The following PTPRM variants were observed in gnomAD, a reference collection of about 807,000 sequenced individuals.
PTPRM encodes protein tyrosine phosphatase receptor type M.
In PTPRM, 47 loss-of-function variants were observed where a neutral mutation model predicts 186.7. That is an observed-to-expected ratio of 0.25 (90% CI 0.20 to 0.32). PTPRM has a LOEUF of 0.32. Among genes scored for constraint, PTPRM ranks in the 10% least tolerant of loss-of-function variants. PTPRM has a pLI of 1.00. For synonymous variants in PTPRM, 668 were observed against 674.9 expected, an observed-to-expected ratio of 0.99 and a Z score of 0.16; for missense variants, 1,494 against 1,865.0, an observed-to-expected ratio of 0.80 and a Z score of 3.66.
chr18:8,042,144 G>A (rs2086732658), intron 7 of PTPRM, among the ~76,000 whole-genome samples: 1 of 151,908 alleles, frequency 6.6e-6, no homozygotes, highest in South Asian at 2.1e-4. Context: ...TCAAGCACTG[G>A]GGTAATTTAA....
intron 23 of PTPRM, among the ~76,000 whole-genome samples, chr18:8,354,435 G>A (rs1389946462): frequency 6.6e-6 from 1 of 152,098 alleles, no homozygotes; most frequent in Non-Finnish European, 1.5e-5. Flanking sequence ...AGAGAAGACA[G>A]CATTTCAACA....
intron 19 of PTPRM, among the ~76,000 whole-genome samples, chr18:8,281,240 GCTC>G (rs1234536210): frequency 1.3e-5 from 2 of 152,130 alleles, no homozygotes; most frequent in Non-Finnish European, 2.9e-5. Context: ...AGTGTCTCTT[GCTC>G]CTTCTCAGCC....
intron 14 of PTPRM, among the ~76,000 whole-genome samples, chr18:8,174,738 T>G (rs751794441): frequency 2.0e-5 from 3 of 152,224 alleles, no homozygotes; most frequent in Non-Finnish European, 4.4e-5. Flanking sequence ...ACTGTTTGAA[T>G]CATAACCTCC....
chr18:7,881,972 ATTCTT>A (rs1207798135), intron 2 of PTPRM, among the ~76,000 whole-genome samples: 1 of 151,698 alleles, frequency 6.6e-6, no homozygotes, highest in Non-Finnish European at 1.5e-5. Context: ...TCTTTTTTTC[ATTCTT>A]TTCTTTCAAT....
At chr18:8,138,900 A>C (rs1016749460) in intron 13 of PTPRM, among the ~76,000 whole-genome samples, 1 of 151,872 alleles carries the variant, frequency 6.6e-6, no homozygotes, top group Non-Finnish European at 1.5e-5. Context: ...CTCCGTGCGG[A>C]TGCTCCCTGT....
In PTPRM at chr18:8,406,287, T is replaced by A; in HGVS notation, c.*125T>A. On this transcript the variant is annotated 3_prime_UTR_variant, in exon 33 of 33. Coordinates refer to ENST00000580170, the MANE Select transcript of PTPRM (RefSeq NM_001105244.2). Reference sequence around the variant, plus strand: ...TTTGCTTTGCATAATTGGCTCTTTTTAAGAGCCCAAGAAAGTGTTTCTAAA... The same window carrying A: ...TTTGCTTTGCATAATTGGCTCTTTTAAAGAGCCCAAGAAAGTGTTTCTAAA... 3 of 886,970 alleles carry A rather than the reference T, an allele frequency of 3.4e-6. No individual in the cohort carries two copies. The highest frequency in any genetic ancestry group is 5.3e-6 in the Non-Finnish European group (3 of 570,892). The allele number at this position is 886,970 out of a possible 1,614,324, so 54.9% of individuals were successfully genotyped here.
intron 1 of PTPRM, among the ~76,000 whole-genome samples, chr18:7,667,669 G>A (rs1328918064): frequency 1.3e-5 from 2 of 152,052 alleles, no homozygotes; most frequent in Non-Finnish European, 1.5e-5. Flanking sequence ...ACAGCTTTTC[G>A]AATAGCTCTT....
chr18:7,723,845 A>G (rs765208301), intron 1 of PTPRM, among the ~76,000 whole-genome samples: 5 of 151,886 alleles, frequency 3.3e-5, no homozygotes, highest in Admixed American at 2.6e-4. Flanking sequence ...TCGCCTTCCT[A>G]TACTCCCTGC....
At chr18:7,785,554 A>C (rs1023072920) in intron 2 of PTPRM, among the ~76,000 whole-genome samples, 1 of 152,218 alleles carries the variant, frequency 6.6e-6, no homozygotes, top group African/African-American at 2.4e-5. Flanking sequence ...AAGCTAAGCA[A>C]AATTTGCAGT....
intron 1 of PTPRM, among the ~76,000 whole-genome samples, chr18:7,631,030 T>C (rs190740938): frequency 9.8e-5 from 15 of 152,326 alleles, no homozygotes; most frequent in African/African-American, 3.6e-4. Context: ...AATTCAGAGA[T>C]CCCGGGGACT....
intron 23 of PTPRM, among the ~76,000 whole-genome samples, chr18:8,358,646 T>C (rs2095578182): frequency 6.6e-6 from 1 of 152,176 alleles, no homozygotes; most frequent in Non-Finnish European, 1.5e-5. Flanking sequence ...AGAGGATCCT[T>C]CAAGACATGT....
intron 2 of PTPRM, among the ~76,000 whole-genome samples, chr18:7,868,442 A>G (rs1279528175): frequency 6.6e-6 from 1 of 152,102 alleles, no homozygotes; most frequent in East Asian, 1.9e-4. Flanking sequence ...TTTCCTTCTA[A>G]CATTCGGACC....
intron 20 of PTPRM, among the ~76,000 whole-genome samples, chr18:8,314,148 TG>T (rs1335912940): frequency 2.6e-5 from 4 of 152,218 alleles, no homozygotes; most frequent in Non-Finnish European, 5.9e-5. Context: ...TGTGTCAATT[TG>T]TGTTTTCATT....
chr18:8,240,752 G>C (rs572647916), intron 14 of PTPRM, among the ~76,000 whole-genome samples: 1 of 136,172 alleles, frequency 7.3e-6, no homozygotes, highest in African/African-American at 2.8e-5. Flanking sequence ...GTGGCAACCC[G>C]CGAGGGAGGG....
At chr18:8,072,298 G>C (rs1451635638) in intron 8 of PTPRM, among the ~76,000 whole-genome samples, 2 of 152,118 alleles carry the variant, frequency 1.3e-5, no homozygotes, top group Non-Finnish European at 2.9e-5. Context: ...TGAACCTATT[G>C]AACACTATGG....
chr18:7,933,917 A>C (rs2051638829), intron 5 of PTPRM, among the ~76,000 whole-genome samples: 1 of 152,208 alleles, frequency 6.6e-6, no homozygotes, highest in South Asian at 2.1e-4. Context: ...TGTTGGAGTA[A>C]TTTTAGAAGC....
intron 7 of PTPRM, among the ~76,000 whole-genome samples, chr18:8,001,169 T>C (rs2083850356): frequency 6.6e-6 from 1 of 152,218 alleles, no homozygotes; most frequent in African/African-American, 2.4e-5. Context: ...CACCTCTTGC[T>C]GTCTCTGACA....
chr18:8,114,892 T>C, intron 13 of PTPRM, 65 bp downstream of exon 13: 1 of 1,375,858 alleles, frequency 7.3e-7, no homozygotes, highest in Non-Finnish European at 1.0e-6. Flanking sequence ...TAACCTATGT[T>C]TCAAAACTTT....
intron 31 of PTPRM, among the ~76,000 whole-genome samples, chr18:8,392,382 T>G (rs1195430974): frequency 6.6e-6 from 1 of 152,052 alleles, no homozygotes; most frequent in Non-Finnish European, 1.5e-5. Context: ...CCCAGCACTT[T>G]GGGAGGCCGG....
Sources: gnomAD v4.1 joint callset for allele counts (sites outside exome capture counted in the v4.1 genomes callset) on GRCh38, gnomAD v4.1.1 for gene constraint, MANE v1.5 for transcripts, NCBI Gene and HGNC (gene_info 2026-07-23, HGNC 2026-07-21) for gene names.